CDKN2B-AS1: variants seen among roughly 807,000 people sequenced by gnomAD.
The protein encoded by CDKN2B-AS1 is CDKN2B antisense RNA 1 (non-protein coding).
intron 4 of CDKN2B-AS1, among the ~76,000 whole-genome samples, chr9:22,110,412 A>T (rs533609426): frequency 6.6e-6 from 1 of 152,336 alleles, no homozygotes; most frequent in Admixed American, 6.5e-5. Flanking sequence ...TTTAACATAG[A>T]TTCCCAGAAG....
intron 4 of CDKN2B-AS1, among the ~76,000 whole-genome samples, chr9:22,084,309 T>G (rs566156202): frequency 2.0e-5 from 3 of 152,212 alleles, no homozygotes; most frequent in African/African-American, 7.2e-5. Context: ...CTATATTACC[T>G]TCGTAAAAGA....
At chr9:22,018,379 C>T (rs1032046221) in intron 1 of CDKN2B-AS1, among the ~76,000 whole-genome samples, 27 of 142,560 alleles carry the variant, frequency 1.9e-4, no homozygotes, top group African/African-American at 6.0e-4. Context: ...TGCCATGGGC[C>T]GCGCATGGTG....
chr9:22,114,235 A>G (rs1708159055), intron 4 of CDKN2B-AS1, among the ~76,000 whole-genome samples: 1 of 152,276 alleles, frequency 6.6e-6, no homozygotes, highest in African/African-American at 2.4e-5. Context: ...ACCTGGTCAA[A>G]CTTCTCTTAC....
intron 4 of CDKN2B-AS1, among the ~76,000 whole-genome samples, chr9:22,073,752 A>G (rs760943370): frequency 1.8e-4 from 27 of 152,156 alleles, no homozygotes; most frequent in Non-Finnish European, 3.4e-4. Context: ...TATTTTTAAA[A>G]CCAGTGTTCC....
rs983380957 is a variant in CDKN2B-AS1 at position 22,001,710 on chromosome 9, T to G, written n.29+6549T>G. ...TTACGCAAGGAATGACATTAAAATC[T>G]TCTGAGTAGGGAATTTAAGAGGCAA... On this transcript the variant is annotated intron_variant and non_coding_transcript_variant, in intron 1 of 4. Transcript: ENST00000650946. The surrounding 1 kb of genome is among the most constrained non-coding windows in gnomAD (Gnocchi z 4.2). Among the ~76,000 whole-genome samples the G allele has an allele frequency of 2.0e-5, 3 of 152,120 alleles. No homozygotes were observed. The highest frequency in any genetic ancestry group is 4.4e-5 in the Non-Finnish European group (3 of 67,968).
chr9:22,009,204 A>G lies in CDKN2B-AS1; in HGVS notation n.29+14043A>G, dbSNP rs902922392. On this transcript the variant is annotated intron_variant and non_coding_transcript_variant, in intron 1 of 4. Coordinates refer to ENST00000650946, the Ensembl canonical transcript of CDKN2B-AS1. ...CGGGCGCGCCTGGATTGCTTCTGGG[A>G]AAAAGCGCCTAGCGCGGACGCAGCC... is the stretch of plus-strand genomic sequence containing the variant. The G allele has an allele frequency of 4.8e-5, 29 of 609,318 alleles. No homozygotes were observed. The Middle Eastern group carries it at 1.8e-3, about 37-fold the overall frequency. The allele number at this position is 609,318 out of a possible 1,614,324, so 37.7% of individuals were successfully genotyped here.
rs966052799 is a variant in CDKN2B-AS1 at position 22,005,803 on chromosome 9, CAAAG to C, written n.29+10646_29+10649del. ...GGTGAGTGTCGAGGGCCAGATAAGA[CAAAG>C]AAAAAAATGTATGGAAGGTTATTCC... On this transcript the variant is annotated intron_variant and non_coding_transcript_variant, in intron 1 of 4. Coordinates refer to ENST00000650946, the Ensembl canonical transcript of CDKN2B-AS1. This position sits in a 1 kb window ranked among gnomAD's most constrained non-coding sequence, Gnocchi z 4.9. The C allele has an allele frequency of 8.0e-6, 6 of 748,612 alleles. No individual in the cohort carries two copies. In the African/African-American group the frequency reaches 1.0e-4, roughly 13 times the overall value. The allele number at this position is 748,612 out of a possible 1,614,324, so 46.4% of individuals were successfully genotyped here. A position where few individuals can be genotyped will look rare whatever the true frequency, so the allele number is the denominator to read the frequency against.
intron 1 of CDKN2B-AS1, among the ~76,000 whole-genome samples, chr9:22,042,080 G>A (rs901161323): frequency 1.3e-5 from 2 of 152,022 alleles, no homozygotes; most frequent in African/African-American, 4.8e-5. Context: ...AGCCCAGCAG[G>A]TTCTACGGGT....
chr9:22,079,483 G>A (rs1824620653), intron 4 of CDKN2B-AS1, among the ~76,000 whole-genome samples: 1 of 148,266 alleles, frequency 6.7e-6, no homozygotes, highest in African/African-American at 2.5e-5. Context: ...GCAAGACAGA[G>A]TGTGACAGAG....
At chr9:22,012,503 C>A (rs542800946) in intron 1 of CDKN2B-AS1, 1 of 666,016 alleles carries the variant, frequency 1.5e-6, no homozygotes, top group Admixed American at 1.8e-5. Flanking sequence ...GAAGTGTGGC[C>A]ACACCAACAA....
At chr9:22,083,522 T>C (rs146045755) in intron 4 of CDKN2B-AS1, among the ~76,000 whole-genome samples, 43 of 152,338 alleles carry the variant, frequency 2.8e-4, no homozygotes, top group Admixed American at 2.8e-3. Flanking sequence ...GTTTTTATTT[T>C]TGAATGAAGA....
At chr9:22,017,307 T>C (rs1821813056) in intron 1 of CDKN2B-AS1, among the ~76,000 whole-genome samples, 1 of 152,068 alleles carries the variant, frequency 6.6e-6, no homozygotes, top group South Asian at 2.1e-4. Context: ...ACACCTGTAG[T>C]CCCAGCTACT....
intron 3 of CDKN2B-AS1, among the ~76,000 whole-genome samples, chr9:22,051,188 G>A (rs1374666382): frequency 6.6e-6 from 1 of 152,076 alleles, no homozygotes; most frequent in Non-Finnish European, 1.5e-5. Context: ...GGGGCCCCCT[G>A]AGCTGAAAAT....
At chr9:22,096,057 G>A (rs1247037152) in intron 4 of CDKN2B-AS1, among the ~76,000 whole-genome samples, 1 of 152,048 alleles carries the variant, frequency 6.6e-6, no homozygotes, top group Non-Finnish European at 1.5e-5. Context: ...TGAGTGTTGA[G>A]ACATAATTGA....
intron 4 of CDKN2B-AS1, among the ~76,000 whole-genome samples, chr9:22,085,188 A>T (rs1824826776): frequency 6.6e-6 from 1 of 152,310 alleles, no homozygotes; most frequent in East Asian, 1.9e-4. Context: ...GGTTATGATC[A>T]AGGAGAAAAA....
At chr9:22,108,000 A>T (rs1825704331) in intron 4 of CDKN2B-AS1, among the ~76,000 whole-genome samples, 1 of 152,170 alleles carries the variant, frequency 6.6e-6, no homozygotes, top group Non-Finnish European at 1.5e-5. Context: ...CCAACATACA[A>T]CCCCAAATCC....
At chr9:22,064,100 C>G (rs746589894) in intron 4 of CDKN2B-AS1, 1 of 152,062 alleles carries the variant, frequency 6.6e-6, no homozygotes, top group Non-Finnish European at 1.5e-5. Flanking sequence ...GGTCTAGGAA[C>G]AGATTGAGGG....
intron 3 of CDKN2B-AS1, among the ~76,000 whole-genome samples, chr9:22,055,821 C>G (rs929800518): frequency 7.2e-5 from 11 of 151,982 alleles, no homozygotes; most frequent in Non-Finnish European, 1.5e-4. Flanking sequence ...TACTGCATAC[C>G]AGACACTCGG....
At chr9:22,043,386 AT>A (rs1035736781) in intron 1 of CDKN2B-AS1, among the ~76,000 whole-genome samples, 42 of 151,456 alleles carry the variant, frequency 2.8e-4, no homozygotes, top group Admixed American at 7.9e-4. Flanking sequence ...CCTTTATAAG[AT>A]TTTTTTTTCT....
Sources: allele counts gnomAD v4.1 joint callset (sites outside exome capture counted in the v4.1 genomes callset), GRCh38; gene constraint gnomAD v4.1.1; non-coding constraint Gnocchi (gnomAD v3.1); transcripts MANE v1.5; gene names NCBI Gene and HGNC (gene_info 2026-07-23, HGNC 2026-07-21).